The following LRP1B variants were observed in gnomAD, a reference collection of about 807,000 sequenced individuals.
LRP1B encodes the protein low-density lipoprotein receptor-related protein 1B.
Under a neutral mutation model 556.6 loss-of-function variants are expected in LRP1B, and 217 were observed. The ratio of observed to expected loss-of-function variants is 0.39; its 90% CI spans 0.35 to 0.44. LRP1B has a LOEUF of 0.44. Among genes scored for constraint, LRP1B ranks in the 20% least tolerant of loss-of-function variants. LRP1B has a pLI of 1.00. For missense variants in LRP1B, 5,053 were observed against 5,620.8 expected (o/e 0.90, Z 3.23); for synonymous variants, 2,047 against 1,865.8 (o/e 1.10, Z -2.50).
At chr2:141,463,628 ATT>A (rs1491229005) in intron 3 of LRP1B, among the ~76,000 whole-genome samples, 3 of 119,576 alleles carry the variant, frequency 2.5e-5, no homozygotes, top group Admixed American at 9.2e-5. Flanking sequence ...TGTATTATAT[ATT>A]ATTATATATT....
chr2:141,429,298 A>G lies in LRP1B; in HGVS notation c.343+51098T>C, dbSNP rs1338354571. ...TTAAGAGACATTTACCCTTTTTAAT[A>G]TACACATAGTATTTTCTAATGGCAC... On this transcript the variant is annotated intron_variant, in intron 3 of 90. Transcript: ENST00000389484. 2.0e-5 allele frequency among the ~76,000 whole-genome samples: 3 copies of G among 152,146 alleles called. No homozygotes were observed. In the East Asian group the frequency reaches 5.8e-4, roughly 29 times the overall value.
At chr2:142,088,626 A>T (rs964306014) in intron 1 of LRP1B, among the ~76,000 whole-genome samples, 1 of 152,164 alleles carries the variant, frequency 6.6e-6, no homozygotes, top group Non-Finnish European at 1.5e-5. Context: ...CTTTGTTAAC[A>T]TTATTAAAAT....
rs150815494 is a variant in LRP1B, at chr2:140,565,052, C to A, written c.7195-23081G>T. On this transcript the variant is annotated intron_variant, in intron 43 of 90. Transcript: ENST00000389484. ...GCAATTTTCAGAGGAAAAATGGAAG[C>A]ACACTGAGAAAAACAGATTTTTTTT... Among the ~76,000 whole-genome samples, 583 of 130,802 alleles carry A rather than the reference C, an allele frequency of 4.5e-3. 8 individuals carry two copies. The highest frequency in any genetic ancestry group is 0.016 in the African/African-American group (566 of 35,406). 85.8% of individuals were successfully genotyped at this position (130,802 alleles called of 152,430 possible).
intron 3 of LRP1B, among the ~76,000 whole-genome samples, chr2:141,353,982 G>GA (rs1688534081): frequency 6.6e-6 from 1 of 151,790 alleles, no homozygotes; most frequent in African/African-American, 2.4e-5. Context: ...ATTTAAAAGG[G>GA]AAAAAATAAC....
chr2:141,347,244 A>T (rs896010089), intron 3 of LRP1B, among the ~76,000 whole-genome samples: 8 of 152,078 alleles, frequency 5.3e-5, no homozygotes, highest in African/African-American at 1.9e-4. Flanking sequence ...TGAGTCAGGT[A>T]TAAAAATTTT....
chr2:140,354,703 A>G (rs1446951481), intron 75 of LRP1B, among the ~76,000 whole-genome samples: 1 of 151,974 alleles, frequency 6.6e-6, no homozygotes, highest in African/African-American at 2.4e-5. Context: ...CCTCATCTCT[A>G]GAAAGCCTGG....
intron 59 of LRP1B, among the ~76,000 whole-genome samples, chr2:140,478,596 G>A (rs190157900): frequency 5.3e-4 from 81 of 152,164 alleles, no homozygotes; most frequent in African/African-American, 1.8e-3. Flanking sequence ...TTCTAGATTC[G>A]TACACTGACT....
intron 41 of LRP1B, among the ~76,000 whole-genome samples, chr2:140,637,293 T>C (rs1237279288): frequency 1.3e-5 from 2 of 152,190 alleles, no homozygotes; most frequent in Middle Eastern, 6.3e-3. Flanking sequence ...AAATTTGACA[T>C]GGGATCCTTA....
At chr2:140,575,942 CA>C (rs34028780) in intron 43 of LRP1B, among the ~76,000 whole-genome samples, 4 of 149,414 alleles carry the variant, frequency 2.7e-5, no homozygotes, top group African/African-American at 5.0e-5. Context: ...AAACAAAAAA[CA>C]AAAAAAAAGT....
chr2:141,177,002 A>G (rs1371155969), intron 7 of LRP1B, among the ~76,000 whole-genome samples: 1 of 152,140 alleles, frequency 6.6e-6, no homozygotes, highest in Admixed American at 6.6e-5. Flanking sequence ...GCTATTTGTA[A>G]GACAGAGACC....
chr2:140,851,607 A>T (rs533698869), intron 28 of LRP1B, 45 bp downstream of exon 28: 1 of 1,584,626 alleles, frequency 6.3e-7, no homozygotes, highest in Non-Finnish European at 8.6e-7. Context: ...ATTTGAGAGA[A>T]TTCAATTTTG....
intron 2 of LRP1B, among the ~76,000 whole-genome samples, chr2:141,568,848 G>A (rs940872545): frequency 6.6e-6 from 1 of 151,020 alleles, no homozygotes; most frequent in Admixed American, 6.6e-5. Context: ...CCACCTCCTG[G>A]GTTCAAGCAA....
chr2:140,814,758 T>G (rs563332640), intron 31 of LRP1B, among the ~76,000 whole-genome samples: 28 of 152,286 alleles, frequency 1.8e-4, no homozygotes, highest in African/African-American at 6.7e-4. Context: ...ATAAACCATT[T>G]GGCAAGTGAG....
chr2:142,114,509 A>C (rs192876136), intron 1 of LRP1B, among the ~76,000 whole-genome samples: 1 of 152,300 alleles, frequency 6.6e-6, no homozygotes, highest in East Asian at 1.9e-4. Flanking sequence ...CAAGATATGA[A>C]ATCAACCTAA....
chr2:140,955,734 C>T (rs1033002624), intron 18 of LRP1B, among the ~76,000 whole-genome samples: 1 of 151,562 alleles, frequency 6.6e-6, no homozygotes, highest in Non-Finnish European at 1.5e-5. Flanking sequence ...TTGTCTTTCT[C>T]TCAAGGGTAA....
At chr2:140,279,351 T>C (rs1682820893) in intron 84 of LRP1B, among the ~76,000 whole-genome samples, 1 of 151,974 alleles carries the variant, frequency 6.6e-6, no homozygotes, top group Non-Finnish European at 1.5e-5. Flanking sequence ...GATGGTGTTG[T>C]CTATTTCTAA....
chr2:140,878,706 C>T (rs1229628197), intron 25 of LRP1B, among the ~76,000 whole-genome samples: 7 of 151,906 alleles, frequency 4.6e-5, no homozygotes, highest in Admixed American at 4.6e-4. Flanking sequence ...GAGAGATTTG[C>T]AAGCTTAAAA....
rs558862176 is a variant in LRP1B, at chr2:141,529,545, A to C, written c.206-49012T>G. Among the ~76,000 whole-genome samples, 6 of 152,296 alleles carry C rather than the reference A, an allele frequency of 3.9e-5. No homozygotes were observed. In the South Asian group the frequency reaches 1.2e-3, roughly 32 times the overall value. On this transcript the variant is annotated intron_variant, in intron 2 of 90. Transcript: ENST00000389484. The stretch of plus-strand genomic sequence containing the variant: ...CCTTGAACAACCTTAGAAATGAGAT[A>C]ATTCTTATTCTATCCTTCAGATATT...
At chr2:140,305,371 C>T (rs1422486354) in intron 83 of LRP1B, among the ~76,000 whole-genome samples, 6 of 152,156 alleles carry the variant, frequency 3.9e-5, no homozygotes, top group Non-Finnish European at 7.3e-5. Context: ...AGGTTCTTCA[C>T]ATCCCTTGTA....
Sources: allele counts gnomAD v4.1 joint callset (sites outside exome capture counted in the v4.1 genomes callset), GRCh38; gene constraint gnomAD v4.1.1; transcripts MANE v1.5; gene names NCBI Gene and HGNC (gene_info 2026-07-23, HGNC 2026-07-21).